TLR6: variants seen among roughly 807,000 people sequenced by gnomAD.
TLR6 encodes toll like receptor 6.
Under a neutral mutation model 16.1 loss-of-function variants are expected in TLR6, and 9 were observed. That is an observed-to-expected ratio of 0.56 (90% confidence interval 0.34 to 0.98). The LOEUF is 0.98. Among genes scored for constraint, TLR6 ranks in the 50% least tolerant of loss-of-function variants. The pLI, the probability that TLR6 is intolerant of heterozygous loss-of-function variation, is 0.02. For missense variants in TLR6, 786 were observed against 921.0 expected, an observed-to-expected ratio of 0.85 and a Z score of 1.90; for synonymous variants, 340 against 338.6, an observed-to-expected ratio of 1.00 and a Z score of -0.04.
chr4:38,859,211 C>T (rs1032259168), upstream of TLR6, among the ~76,000 whole-genome samples: 12 of 152,202 alleles, frequency 7.9e-5, no homozygotes, highest in African/African-American at 2.2e-4. Flanking sequence ...CCTGTGTCCT[C>T]ATAAGACACA....
At chr4:38,829,234 A>T in exon 2 of TLR6, 1 of 1,614,166 alleles carries the variant, frequency 6.2e-7, no homozygotes, top group Non-Finnish European at 8.5e-7. Flanking sequence ...AAAGTCTCAA[A>T]ACTGTCAACT....
At chr4:38,845,762 G>A (rs1043069255) in intron 1 of TLR6, among the ~76,000 whole-genome samples, 4 of 152,150 alleles carry the variant, frequency 2.6e-5, no homozygotes, top group East Asian at 1.9e-4. Flanking sequence ...AAGCCACAAC[G>A]TTTGTGGTAA....
chr4:38,851,042 G>A (rs1712750972), intron 1 of TLR6, among the ~76,000 whole-genome samples: 1 of 152,020 alleles, frequency 6.6e-6, no homozygotes, highest in South Asian at 2.1e-4. Flanking sequence ...ATGATCAAGT[G>A]GGCTTCATCC....
At chr4:38,858,889 G>GAAAGAAAGAA (rs1560274761), upstream of TLR6, among the ~76,000 whole-genome samples, 8 of 48,942 alleles carry the variant, frequency 1.6e-4, 1 homozygote, top group South Asian at 6.1e-4. Context: ...GAAAGAAAGA[G>GAAAGAAAGAA]AGAAAGAAAG....
chr4:38,859,400 T>C (rs1389188725), upstream of TLR6, among the ~76,000 whole-genome samples: 1 of 152,152 alleles, frequency 6.6e-6, no homozygotes, highest in Non-Finnish European at 1.5e-5. Flanking sequence ...TTTTTGTTGT[T>C]TTAAGCCACA....
chr4:38,862,071 C>T, the TLR6 span, among the ~76,000 whole-genome samples: 4 of 152,176 alleles, frequency 2.6e-5, no homozygotes, highest in Admixed American at 2.6e-4. Context: ...AGCATTTCCA[C>T]ATCTTCCCCT....
exon 2 of TLR6, chr4:38,828,083 C>T: frequency 6.2e-7 from 1 of 1,614,208 alleles, no homozygotes; most frequent in Non-Finnish European, 8.5e-7. Flanking sequence ...TTTAGGAACG[C>T]TCTTTATTTT....
At chr4:38,823,822 C>T (rs73236628) in exon 2 of TLR6, 22,711 of 152,150 alleles carry the variant, frequency 0.15, 2,261 homozygotes, top group Middle Eastern at 0.4. Flanking sequence ...CCCCGTGGGA[C>T]GAGGTGCAGG....
intron 1 of TLR6, among the ~76,000 whole-genome samples, chr4:38,854,312 G>T (rs1381313175): frequency 6.6e-6 from 1 of 152,132 alleles, no homozygotes; most frequent in Non-Finnish European, 1.5e-5. Flanking sequence ...TTCTATGATG[G>T]ACCAGCCATT....
rs1017967455 is a variant in TLR6 at position 38,852,573 on chromosome 4, T to C, written c.-65+4188A>G. 3.3e-5 allele frequency among the ~76,000 whole-genome samples: 5 copies of C among 152,258 alleles called. No homozygotes were observed. In the South Asian group the frequency reaches 1.0e-3, roughly 32 times the overall value. ...ACCCCATCAAAAAGTGGGCGAAGGA[T>C]ATGAACAGACACTTCTCAAAAGAAG... On this transcript the variant is annotated intron_variant, in intron 1 of 1. Transcript: ENST00000436693.
Position 38,849,915 on chromosome 4 carries a change from C to T in TLR6, c.-65+6846G>A, listed in dbSNP as rs1338230104. 2.0e-5 allele frequency among the ~76,000 whole-genome samples: 3 copies of T among 152,172 alleles called. No homozygotes were observed. The East Asian group carries it at 5.8e-4, about 29-fold the overall frequency. ...ATAGACATCTACAGAACTCTCCACC[C>T]CAAATCAACAGAATATATATTTTTC... is the stretch of plus-strand genomic sequence containing the variant. On this transcript the variant is annotated intron_variant, in intron 1 of 1. Coordinates refer to ENST00000436693, the Ensembl canonical transcript of TLR6.
At chr4:38,864,934 C>T in the TLR6 span, among the ~76,000 whole-genome samples, 1 of 152,118 alleles carries the variant, frequency 6.6e-6, no homozygotes, top group Admixed American at 6.5e-5. Context: ...TGCTGGAGCC[C>T]AGGAGTCTGA....
At chr4:38,831,732 T>C (rs374566587) in intron 1 of TLR6, among the ~76,000 whole-genome samples, 1 of 152,282 alleles carries the variant, frequency 6.6e-6, no homozygotes, top group East Asian at 1.9e-4. Context: ...AAAGAAGATA[T>C]GTAAAGAGCA....
upstream of TLR6, among the ~76,000 whole-genome samples, chr4:38,861,686 T>C (rs114750141): frequency 0.011 from 1,653 of 152,258 alleles, 30 homozygotes; most frequent in African/African-American, 0.037. Context: ...GCAGCCATCC[T>C]CCTACCCTCC....
chr4:38,837,182 T>A (rs908791372), intron 1 of TLR6, among the ~76,000 whole-genome samples: 3 of 152,076 alleles, frequency 2.0e-5, no homozygotes, highest in African/African-American at 7.2e-5. Flanking sequence ...ACAGATCCAA[T>A]GCAATCCCTA....
chr4:38,834,264 A>T (rs1711784722), intron 1 of TLR6, among the ~76,000 whole-genome samples: 1 of 149,670 alleles, frequency 6.7e-6, no homozygotes, highest in Non-Finnish European at 1.5e-5. Flanking sequence ...ATATAAAATT[A>T]AAAATTAAAA....
exon 2 of TLR6, chr4:38,827,939 G>C: frequency 6.2e-7 from 1 of 1,614,178 alleles, no homozygotes. Flanking sequence ...GAAGAAATCA[G>C]CCGATGGGTG....
chr4:38,850,487 A>T (rs1306980785), intron 1 of TLR6, among the ~76,000 whole-genome samples: 1 of 152,240 alleles, frequency 6.6e-6, no homozygotes, highest in Non-Finnish European at 1.5e-5. Flanking sequence ...CTCTAGCAAG[A>T]CTAATAAAGA....
At chr4:38,854,586 A>G (rs1434575402) in intron 1 of TLR6, among the ~76,000 whole-genome samples, 1 of 152,202 alleles carries the variant, frequency 6.6e-6, no homozygotes, top group Non-Finnish European at 1.5e-5. Context: ...CCAGGTTGGT[A>G]GGTGGAAACT....
Sources: allele counts gnomAD v4.1 joint callset (sites outside exome capture counted in the v4.1 genomes callset), GRCh38; gene constraint gnomAD v4.1.1; transcripts MANE v1.5; gene names NCBI Gene and HGNC (gene_info 2026-07-23, HGNC 2026-07-21).